ULK4: variants seen among roughly 807,000 people sequenced by gnomAD.
The protein encoded by ULK4 is unc-51 like kinase 4, also known as inactive serine/threonine-protein kinase ULK4.
ULK4 carries 133 observed loss-of-function variants against 160.6 expected under a neutral mutation model. That is an observed-to-expected ratio of 0.83 (90% CI 0.72 to 0.96). The LOEUF is 0.96. Among genes scored for constraint, ULK4 ranks in the 40% least tolerant of loss-of-function variants. ULK4 has a pLI of 0.00. For synonymous variants in ULK4, 534 were observed against 539.8 expected (o/e 0.99, Z 0.15); for missense variants, 1,580 against 1,499.5 (o/e 1.05, Z -0.89).
chr3:41,398,308 G>A, intron 34 of ULK4, 44 bp from the exon 35 acceptor site: 2 of 1,582,356 alleles, frequency 1.3e-6, no homozygotes, highest in Non-Finnish European at 1.7e-6. Flanking sequence ...CTTGAAGACG[G>A]TATTAGTACT....
chr3:41,907,952 C>T lies in ULK4; in HGVS notation c.1086-11G>A, dbSNP rs1387753964. The T allele has an allele frequency of 1.9e-6, 3 of 1,578,266 alleles. No individual in the cohort carries two copies. Among genetic ancestry groups the T allele is most frequent in the Non-Finnish European group, 8.6e-7 (1 of 1,160,592 alleles). ...GGAGTAGGACGAGAACTGAAAAATA[C>T]AAACCAGTTAACATTATTCAATTCC... is the stretch of plus-strand genomic sequence containing the variant. On this transcript the variant is annotated splice_polypyrimidine_tract_variant and intron_variant, in intron 11 of 36. Transcript: ENST00000301831.
rs368639880 is a variant in ULK4, at chr3:41,926,376, C to T, written c.541+5468G>A. Among the ~76,000 whole-genome samples, 116 of 152,304 alleles carry T rather than the reference C, an allele frequency of 7.6e-4. 1 individual carries two copies. The highest frequency in any genetic ancestry group is 6.8e-3 in the Middle Eastern group (2 of 294). The stretch of plus-strand genomic sequence containing the variant: ...CATCAAACACCAAAGGTAGATAAAT[C>T]CACAAAGATGGAGAGAAACCAGCAC... On this transcript the variant is annotated intron_variant, in intron 5 of 36. Coordinates refer to ENST00000301831, the MANE Select transcript of ULK4 (RefSeq NM_017886.4).
At chr3:41,856,577 G>GTATATATATACACATATATATATATGTT (rs2042361156) in intron 17 of ULK4, among the ~76,000 whole-genome samples, 1 of 58,308 alleles carries the variant, frequency 1.7e-5, no homozygotes, top group Non-Finnish European at 2.9e-5. Flanking sequence ...ATATATATGT[G>GTATATATATACACATATATATATATGTT]TATATATATA....
chr3:41,410,390 C>G (rs2082387200), intron 34 of ULK4, among the ~76,000 whole-genome samples: 1 of 151,968 alleles, frequency 6.6e-6, no homozygotes. Flanking sequence ...ATGAAAGAAT[C>G]CTGAAAACAT....
intron 32 of ULK4, among the ~76,000 whole-genome samples, chr3:41,541,780 C>G (rs1258555094): frequency 6.6e-6 from 1 of 152,098 alleles, no homozygotes; most frequent in East Asian, 1.9e-4. Flanking sequence ...ATTTTATTCT[C>G]TTTGTAGCAA....
intron 31 of ULK4, among the ~76,000 whole-genome samples, chr3:41,583,575 T>C (rs2030549176): frequency 6.6e-6 from 1 of 152,196 alleles, no homozygotes; most frequent in Admixed American, 6.5e-5. Flanking sequence ...GCCAGGAAGC[T>C]CCTTCTATAC....
chr3:41,961,601 G>C (rs1700676045), intron 1 of ULK4, among the ~76,000 whole-genome samples: 1 of 146,376 alleles, frequency 6.8e-6, no homozygotes, highest in African/African-American at 2.7e-5. Context: ...CGGGCGAATC[G>C]GCGGCTTTCG....
intron 30 of ULK4, among the ~76,000 whole-genome samples, chr3:41,625,546 G>A (rs1033455955): frequency 1.9e-4 from 29 of 152,126 alleles, no homozygotes; most frequent in African/African-American, 6.8e-4. Flanking sequence ...CCTCGCAGAG[G>A]CCAAGGAGGA....
intron 32 of ULK4, among the ~76,000 whole-genome samples, chr3:41,463,991 T>G (rs2083760074): frequency 7.2e-6 from 1 of 139,548 alleles, no homozygotes; most frequent in African/African-American, 2.8e-5. Context: ...CAGTAGAGCA[T>G]AAATTCAGAT....
chr3:41,906,301 C>A (rs902563891), intron 12 of ULK4, among the ~76,000 whole-genome samples: 5 of 150,258 alleles, frequency 3.3e-5, no homozygotes, highest in African/African-American at 1.2e-4. Context: ...GAGACAGGAG[C>A]ATCGCTTGAG....
intron 29 of ULK4, among the ~76,000 whole-genome samples, chr3:41,667,290 T>C (rs893822006): frequency 1.3e-5 from 2 of 152,220 alleles, no homozygotes; most frequent in African/African-American, 4.8e-5. Context: ...TACTAGCTTG[T>C]GCATAAGAAT....
At chr3:41,541,984 T>G (rs1024883111) in intron 32 of ULK4, among the ~76,000 whole-genome samples, 1 of 152,192 alleles carries the variant, frequency 6.6e-6, no homozygotes, top group East Asian at 1.9e-4. Context: ...TGACTTTCTC[T>G]TTTCCTATTT....
rs1348862839 is a variant in ULK4, at chr3:41,466,603, C to T, written c.3227-3350G>A. On this transcript the variant is annotated intron_variant, in intron 32 of 36. Transcript: ENST00000301831. ...AGAGAAGATTTTGCAACTAGGTAGG[C>T]AAGATTTCTTAGGATCCCAAAATAC... Among the ~76,000 whole-genome samples, 7 of 151,912 alleles carry T rather than the reference C, an allele frequency of 4.6e-5. No homozygotes were observed. In the East Asian group the frequency reaches 1.4e-3, roughly 29 times the overall value.
At chr3:41,720,886 G>T (rs992421836) in intron 22 of ULK4, among the ~76,000 whole-genome samples, 1 of 152,058 alleles carries the variant, frequency 6.6e-6, no homozygotes, top group East Asian at 1.9e-4. Context: ...GTATTCAATA[G>T]ATATACCTGT....
At chr3:41,591,622 G>C (rs1419380582) in intron 31 of ULK4, among the ~76,000 whole-genome samples, 3 of 152,160 alleles carry the variant, frequency 2.0e-5, no homozygotes, top group Non-Finnish European at 4.4e-5. Flanking sequence ...AGGAATGAAG[G>C]TCTCCTAAGG....
At chr3:41,776,882 TC>T (rs2039649557) in intron 21 of ULK4, among the ~76,000 whole-genome samples, 2 of 68,606 alleles carry the variant, frequency 2.9e-5, no homozygotes, top group Admixed American at 3.2e-4. Context: ...TCTAAAATTC[TC>T]TTTTTTGGTT....
chr3:41,459,740 T>A (rs999070109), intron 33 of ULK4, among the ~76,000 whole-genome samples: 12 of 152,192 alleles, frequency 7.9e-5, no homozygotes, highest in Non-Finnish European at 7.4e-5. Context: ...GGAAATTTCA[T>A]GAGGAAAGGC....
chr3:41,388,406 T>C (rs1575500060), intron 35 of ULK4, among the ~76,000 whole-genome samples: 1 of 152,038 alleles, frequency 6.6e-6, no homozygotes, highest in Non-Finnish European at 1.5e-5. Context: ...ATTTTGGCTT[T>C]GGTTGCCATT....
At chr3:41,566,292 C>A (rs1033630095) in intron 31 of ULK4, among the ~76,000 whole-genome samples, 162 bp from the exon 32 acceptor site, 1 of 152,160 alleles carries the variant, frequency 6.6e-6, no homozygotes, top group Non-Finnish European at 1.5e-5. Context: ...TAAGACAAAT[C>A]CCATCAGTGA....
Sources: gnomAD v4.1 joint callset for allele counts (sites outside exome capture counted in the v4.1 genomes callset) on GRCh38, gnomAD v4.1.1 for gene constraint, MANE v1.5 for transcripts, NCBI Gene and HGNC (gene_info 2026-07-23, HGNC 2026-07-21) for gene names.